The following TFDP1 variants were observed in gnomAD, a reference collection of about 807,000 sequenced individuals.
The protein encoded by TFDP1 is DRTF1-polypeptide 1.
A neutral mutation model predicts 48.0 loss-of-function variants in TFDP1; 6 were observed. That is an observed-to-expected ratio of 0.13 (90% CI 0.07 to 0.25). The LOEUF (loss-of-function observed/expected upper bound fraction) is 0.25. Ranked by LOEUF, TFDP1 falls within the 10% of genes least tolerant of loss-of-function variation. The pLI is 1.00. For missense variants in TFDP1, 335 were observed against 543.0 expected (o/e 0.62, Z 3.81); for synonymous variants, 201 against 211.6 (o/e 0.95, Z 0.44).
intron 3 of TFDP1, among the ~76,000 whole-genome samples, chr13:113,612,858 G>A (rs1462081043): frequency 6.6e-6 from 1 of 152,194 alleles, no homozygotes; most frequent in Admixed American, 6.5e-5. Context: ...GGCCCAGCAG[G>A]GCCGTGCATT....
chr13:113,621,812 T>A (rs1357796424), intron 3 of TFDP1, among the ~76,000 whole-genome samples: 1 of 152,156 alleles, frequency 6.6e-6, no homozygotes, highest in Non-Finnish European at 1.5e-5. Flanking sequence ...AAGACTCTGT[T>A]CCTCCACCTC....
At position 113,607,679 on chromosome 13, in the gene TFDP1, C is replaced by T. The variant is rs1237653515; in HGVS notation, c.13-3317C>T. Among the ~76,000 whole-genome samples, 3 of 152,226 alleles carry T rather than the reference C, an allele frequency of 2.0e-5. No individual in the cohort carries two copies. Among genetic ancestry groups the T allele is most frequent in the Non-Finnish European group, 4.4e-5 (3 of 68,044 alleles). On this transcript the variant is annotated intron_variant, in intron 2 of 11. Coordinates refer to ENST00000375370, the MANE Select transcript of TFDP1 (RefSeq NM_007111.5). The surrounding 1 kb of genome is among the most constrained non-coding windows in gnomAD (Gnocchi z 5.2). ...TTCCTGGAAGGGCCGCCCGGGTCCA[C>T]AACCTGGCCCGTTAACTCCCTGGGC...
chr13:113,600,233 T>A (rs1369809827), intron 2 of TFDP1, among the ~76,000 whole-genome samples: 2 of 142,618 alleles, frequency 1.4e-5, no homozygotes, highest in Non-Finnish European at 1.5e-5. Context: ...TGCTTAGGGC[T>A]CCAGGACCAT....
At chr13:113,613,606 G>T (rs574390557) in intron 3 of TFDP1, among the ~76,000 whole-genome samples, 25 of 145,082 alleles carry the variant, frequency 1.7e-4, no homozygotes, top group African/African-American at 6.4e-4. Flanking sequence ...GTGTATGCGT[G>T]AATGCGTGGG....
Position 113,640,339 on chromosome 13 carries a change from TTC to T in TFDP1, c.*74_*75del. On this transcript the variant is annotated 3_prime_UTR_variant, in exon 12 of 12. Coordinates refer to ENST00000375370, the MANE Select transcript of TFDP1 (RefSeq NM_007111.5). ...AGAAACTTTTTTTTTAATGTGGGTTTTCTGTTTCCTTTTGGCCTACTCCCAAG... is the reference window on the plus strand; with the variant it reads ...AGAAACTTTTTTTTTAATGTGGGTTTTGTTTCCTTTTGGCCTACTCCCAAG... 1.3e-6 allele frequency: 2 copies of T among 1,532,358 alleles called. No individual in the cohort carries two copies. The highest frequency in any genetic ancestry group is 1.2e-5 in the South Asian group (1 of 82,168). 94.9% of individuals were successfully genotyped at this position (1,532,358 alleles called of 1,614,324 possible).
chr13:113,624,525 C>T (rs1187930225), intron 4 of TFDP1, among the ~76,000 whole-genome samples: 7 of 148,260 alleles, frequency 4.7e-5, no homozygotes, highest in African/African-American at 1.8e-4. Context: ...CTCACGTGTC[C>T]TCAGGTGTCT....
At chr13:113,611,222 C>G (rs1183290773) in intron 3 of TFDP1, among the ~76,000 whole-genome samples, 160 bp downstream of exon 3, 1 of 152,226 alleles carries the variant, frequency 6.6e-6, no homozygotes. Context: ...TAGGAGCCTT[C>G]TAGCATTTAG....
intron 4 of TFDP1, among the ~76,000 whole-genome samples, chr13:113,628,491 C>T (rs984502068): frequency 3.9e-5 from 6 of 152,238 alleles, no homozygotes; most frequent in Non-Finnish European, 5.9e-5. Context: ...CCAGAGAAGC[C>T]GCTGTTAAAT....
At position 113,621,863 on chromosome 13, in the gene TFDP1, T is replaced by C. The variant is rs561233957; in HGVS notation, c.80-1317T>C. On this transcript the variant is annotated intron_variant, in intron 3 of 11. Coordinates refer to ENST00000375370, the MANE Select transcript of TFDP1 (RefSeq NM_007111.5). ...CATGAGTCAGGCTCGCCTGCAGTTA[T>C]CTGGAGGCCTAACCGTCTCCCTGTG... is the stretch of plus-strand genomic sequence containing the variant. Among the ~76,000 whole-genome samples the C allele has an allele frequency of 7.2e-5, 11 of 152,330 alleles. No homozygotes were observed. The East Asian group carries it at 1.5e-3, about 21-fold the overall frequency.
At chr13:113,637,200 G>A (rs1264993754) in intron 10 of TFDP1, 1 of 180,808 alleles carries the variant, frequency 5.5e-6, no homozygotes, top group Non-Finnish European at 1.2e-5. Flanking sequence ...TCTTTCCTTG[G>A]GGGCCGTAGG....
At chr13:113,619,515 ACCCAGGTCTGGC>A (rs1286827622) in intron 3 of TFDP1, among the ~76,000 whole-genome samples, 4 of 145,358 alleles carry the variant, frequency 2.8e-5, no homozygotes, top group Non-Finnish European at 6.0e-5. Flanking sequence ...AAGCCCACCC[ACCCAGGTCTGGC>A]CCCAGAAGCC....
rs531756535 is a variant in TFDP1, at chr13:113,599,169, G to GT, written c.13-11816dup. 4.9e-3 allele frequency among the ~76,000 whole-genome samples: 717 copies of GT among 146,974 alleles called. 29 individuals carry two copies. In the East Asian group the frequency reaches 0.094, roughly 19 times the overall value. ...TGTTTTACTCAACAGTTTGTCCTAG[G>GT]TTTTTTTTTTTCACATCAATAAATA... On this transcript the variant is annotated intron_variant, in intron 2 of 11. Transcript: ENST00000375370.
At chr13:113,599,493 A>G (rs1486843313) in intron 2 of TFDP1, among the ~76,000 whole-genome samples, 3 of 151,848 alleles carry the variant, frequency 2.0e-5, no homozygotes, top group Admixed American at 6.6e-5. Flanking sequence ...GCCCTCACGT[A>G]CTCCACCCTG....
At chr13:113,614,145 C>T (rs961011580) in intron 3 of TFDP1, among the ~76,000 whole-genome samples, 7 of 143,352 alleles carry the variant, frequency 4.9e-5, no homozygotes, top group Admixed American at 6.9e-5. Flanking sequence ...GTGTTATGTG[C>T]GTGTGCATGT....
intron 4 of TFDP1, among the ~76,000 whole-genome samples, chr13:113,625,299 C>T (rs75509090): frequency 0.016 from 980 of 62,956 alleles, no homozygotes; most frequent in African/African-American, 0.042. Flanking sequence ...CCTCAGGTGT[C>T]TCTCACGTGT....
At chr13:113,628,948 G>A (rs1018180234) in intron 4 of TFDP1, among the ~76,000 whole-genome samples, 2 of 152,210 alleles carry the variant, frequency 1.3e-5, no homozygotes, top group Admixed American at 6.5e-5. Context: ...TGGCACAGGC[G>A]GCCGGCCCGA....
intron 2 of TFDP1, among the ~76,000 whole-genome samples, chr13:113,597,492 G>A (rs1017710178): frequency 2.6e-5 from 4 of 152,168 alleles, no homozygotes; most frequent in African/African-American, 7.2e-5. Context: ...CAGGGGTCCC[G>A]GGGCCTGAAC....
rs970085221 is a variant in TFDP1 at position 113,584,772 on chromosome 13, C to T, written c.-181C>T. On this transcript the variant is annotated 5_prime_UTR_variant, in exon 1 of 12. Transcript: ENST00000375370. ...GGCGCCACTCGGCCCAGGGCAGGGA[C>T]CCCGCCACGGCCGGGACCGCCCGGC... is the stretch of plus-strand genomic sequence containing the variant. The T allele has an allele frequency of 7.5e-5, 11 of 146,448 alleles. No homozygotes were observed. The highest frequency in any genetic ancestry group is 2.7e-4 in the African/African-American group (11 of 40,834). 9.1% of individuals were successfully genotyped at this position (146,448 alleles called of 1,614,324 possible).
rs752319853 is a variant in TFDP1, at chr13:113,634,005, A to C, written c.590A>C (p.Asn197Thr). The C allele has an allele frequency of 6.2e-7, 1 of 1,614,042 alleles. No homozygotes were observed. Residue 197 changes from asparagine to threonine, a missense_variant, in exon 7 of 12, where the codon AAC (asparagine) becomes ACC (threonine). Physicochemically the swap from Asn to Thr is moderately conservative, Grantham distance 65. This residue lies in a region of TFDP1 where 204 missense variants were observed against 287.1 expected (regional missense o/e 0.71). Coordinates refer to ENST00000375370, the MANE Select transcript of TFDP1 (RefSeq NM_007111.5). ...KEIKWIGLPT[N>T]SAQECQNLEV... ...ATCAAGTGGATTGGTCTGCCCACCA[A>C]CTCGGCTCAGGAATGTCAGAACTTA...
Sources: gnomAD v4.1 joint callset for allele counts (sites outside exome capture counted in the v4.1 genomes callset) on GRCh38, gnomAD v4.1.1 for gene constraint, gnomAD v4.1.1 regional missense constraint, Gnocchi (gnomAD v3.1) non-coding constraint, MANE v1.5 for transcripts, NCBI Gene and HGNC (gene_info 2026-07-23, HGNC 2026-07-21) for gene names.